The following PRRX2 variants were observed in gnomAD, a reference collection of about 807,000 sequenced individuals.
PRRX2 encodes the protein paired related homeobox 2, also known as paired mesoderm homeobox protein 2.
PRRX2 carries 11 observed loss-of-function variants against 18.0 expected under a neutral mutation model. The observed-to-expected ratio is 0.61, with a 90% CI of 0.39 to 1.01. The LOEUF (loss-of-function observed/expected upper bound fraction) is 1.01. PRRX2 is among the 50% of genes least tolerant of loss of function. PRRX2 has a pLI of 0.01. For synonymous variants in PRRX2, 177 were observed against 154.8 expected, an observed-to-expected ratio of 1.14 and a Z score of -1.06; for missense variants, 387 against 351.0, an observed-to-expected ratio of 1.10 and a Z score of -0.82.
At chr9:129,713,603 C>T (rs944069377) in intron 1 of PRRX2, among the ~76,000 whole-genome samples, 2 of 151,988 alleles carry the variant, frequency 1.3e-5, no homozygotes, top group African/African-American at 4.8e-5. Flanking sequence ...CCAGGCCTCC[C>T]AGCAGACATC....
chr9:129,670,682 TA>T (rs779221267), intron 1 of PRRX2, among the ~76,000 whole-genome samples: 11 of 152,090 alleles, frequency 7.2e-5, no homozygotes, highest in African/African-American at 7.2e-5. Context: ...GCCCTACCTT[TA>T]AATGTGTTAA....
At chr9:129,710,193 G>A (rs562146290) in intron 1 of PRRX2, among the ~76,000 whole-genome samples, 1 of 152,258 alleles carries the variant, frequency 6.6e-6, no homozygotes, top group South Asian at 2.1e-4. Context: ...TGGTGAGAGG[G>A]CGTGGTGTGT....
intron 1 of PRRX2, among the ~76,000 whole-genome samples, chr9:129,718,198 C>A (rs1409295304): frequency 6.6e-6 from 1 of 152,110 alleles, no homozygotes; most frequent in Non-Finnish European, 1.5e-5. Flanking sequence ...TCGGTCAGGT[C>A]CCCTGCTGGG....
chr9:129,668,331 G>T (rs945295695), intron 1 of PRRX2, among the ~76,000 whole-genome samples: 1 of 152,178 alleles, frequency 6.6e-6, no homozygotes, highest in African/African-American at 2.4e-5. Context: ...TGGGCTTGCC[G>T]GGACTGCAGA....
intron 1 of PRRX2, among the ~76,000 whole-genome samples, chr9:129,667,389 G>A (rs1018395980): frequency 6.6e-6 from 1 of 152,184 alleles, no homozygotes; most frequent in Non-Finnish European, 1.5e-5. Context: ...ATGCCCTGCC[G>A]GCCCAAGGTC....
intron 1 of PRRX2, chr9:129,713,044 C>T (rs1465013864): frequency 1.3e-5 from 2 of 152,290 alleles, no homozygotes; most frequent in Non-Finnish European, 2.9e-5. Flanking sequence ...CACATCCGCT[C>T]GGAGGCGGAG....
intron 1 of PRRX2, among the ~76,000 whole-genome samples, chr9:129,698,700 C>T (rs375642941): frequency 6.6e-6 from 1 of 152,254 alleles, no homozygotes; most frequent in African/African-American, 2.4e-5. Context: ...ACGTCACTAC[C>T]TCACGTCACT....
In PRRX2 at chr9:129,675,076, C is replaced by T. The variant is rs1303626486; in HGVS notation, c.259+8950C>T. The stretch of plus-strand genomic sequence containing the variant: ...TTACCCGAGTGGAAAGCGGTCCTCT[C>T]GAGGGGACAGAGAGGCCGGGCAGAG... On this transcript the variant is annotated intron_variant, in intron 1 of 3. Transcript: ENST00000372469. This position sits in a 1 kb window ranked among gnomAD's most constrained non-coding sequence, Gnocchi z 4.4. Among the ~76,000 whole-genome samples the T allele has an allele frequency of 1.3e-5, 2 of 152,148 alleles. No homozygotes were observed. Among genetic ancestry groups the T allele is most frequent in the Admixed American group, 6.5e-5 (1 of 15,280 alleles).
chr9:129,703,484 G>T (rs1832522899), intron 1 of PRRX2, among the ~76,000 whole-genome samples: 1 of 152,096 alleles, frequency 6.6e-6, no homozygotes, highest in African/African-American at 2.4e-5. Context: ...AGCCACTTTG[G>T]GGACAGAGTC....
intron 1 of PRRX2, among the ~76,000 whole-genome samples, chr9:129,677,582 A>G (rs942235271): frequency 2.6e-4 from 40 of 152,328 alleles, no homozygotes; most frequent in African/African-American, 8.7e-4. Flanking sequence ...GGACACACCC[A>G]TGCAGACACT....
intron 1 of PRRX2, among the ~76,000 whole-genome samples, chr9:129,672,629 A>G (rs1046531988): frequency 6.6e-6 from 1 of 152,010 alleles, no homozygotes; most frequent in African/African-American, 2.4e-5. Context: ...ATCTCCAGCA[A>G]CCTGGCCTGG....
At position 129,675,239 on chromosome 9, in the gene PRRX2, C is replaced by G. The variant is rs751216130; in HGVS notation, c.259+9113C>G. Among the ~76,000 whole-genome samples the G allele has an allele frequency of 6.6e-6, 1 of 152,186 alleles. No individual in the cohort carries two copies. Among genetic ancestry groups the G allele is most frequent in the African/African-American group, 2.4e-5 (1 of 41,440 alleles). On this transcript the variant is annotated intron_variant, in intron 1 of 3. Transcript: ENST00000372469. The surrounding 1 kb of genome is among the most constrained non-coding windows in gnomAD (Gnocchi z 4.4). ...GGATTTTGTGCCAAAGCTGCACTGC[C>G]GGGTCTAGGAGGAAGTATTTGCTCT...
chr9:129,683,744 T>A (rs947245969), intron 1 of PRRX2, among the ~76,000 whole-genome samples: 15 of 150,590 alleles, frequency 1.0e-4, no homozygotes, highest in South Asian at 4.2e-4. Context: ...CAAAAAAAAA[T>A]AAAAAATAAA....
rs566450037 is a variant in PRRX2 at position 129,684,010 on chromosome 9, C to A, written c.259+17884C>A. On this transcript the variant is annotated intron_variant, in intron 1 of 3. Coordinates refer to ENST00000372469, the MANE Select transcript of PRRX2 (RefSeq NM_016307.4). ...TCCTAAATTCGCCCAGAGAGGGACC[C>A]ATGACCCTGGACCCCATGTGGTGGA... is the stretch of plus-strand genomic sequence containing the variant. Among the ~76,000 whole-genome samples the A allele has an allele frequency of 3.1e-4, 47 of 152,292 alleles. 1 individual carries two copies. In the South Asian group the frequency reaches 9.7e-3, roughly 32 times the overall value.
At chr9:129,713,315 T>C (rs1832655254) in intron 1 of PRRX2, 1 of 152,306 alleles carries the variant, frequency 6.6e-6, no homozygotes, top group Non-Finnish European at 1.5e-5. Flanking sequence ...GCAATTACTA[T>C]GTCCTTGGCA....
At chr9:129,694,938 T>C (rs936629503) in intron 1 of PRRX2, among the ~76,000 whole-genome samples, 3 of 152,324 alleles carry the variant, frequency 2.0e-5, no homozygotes, top group South Asian at 2.1e-4. Context: ...CCATCCCCTC[T>C]CATCAGCCCC....
At chr9:129,689,953 G>A (rs1422680437) in intron 1 of PRRX2, among the ~76,000 whole-genome samples, 4 of 151,508 alleles carry the variant, frequency 2.6e-5, no homozygotes, top group Non-Finnish European at 4.4e-5. Flanking sequence ...GGGTTTCACC[G>A]TGTTGGCCAG....
At chr9:129,699,457 G>A (rs922083150) in intron 1 of PRRX2, among the ~76,000 whole-genome samples, 2 of 151,828 alleles carry the variant, frequency 1.3e-5, no homozygotes, top group African/African-American at 2.4e-5. Flanking sequence ...GTGTGTGTGT[G>A]TGTGTGTGTG....
intron 1 of PRRX2, among the ~76,000 whole-genome samples, chr9:129,674,416 C>T (rs578150767): frequency 9.2e-5 from 14 of 151,946 alleles, no homozygotes; most frequent in Admixed American, 3.3e-4. Flanking sequence ...AGTTTGGGGG[C>T]GGTAGGAGGG....
Sources: gnomAD v4.1 joint callset for allele counts (sites outside exome capture counted in the v4.1 genomes callset) on GRCh38, gnomAD v4.1.1 for gene constraint, Gnocchi (gnomAD v3.1) non-coding constraint, MANE v1.5 for transcripts, NCBI Gene and HGNC (gene_info 2026-07-23, HGNC 2026-07-21) for gene names.